PAMR1: variants seen among roughly 807,000 people sequenced by gnomAD.
PAMR1 encodes the protein peptidase domain containing associated with muscle regeneration 1.
PAMR1 carries 88 observed loss-of-function variants against 81.8 expected under a neutral mutation model. That is an observed-to-expected ratio of 1.08 (90% CI 0.91 to 1.28). The LOEUF is 1.28. Among genes scored for constraint, PAMR1 ranks in the 50% most tolerant of loss-of-function variants. The pLI, the probability that PAMR1 is intolerant of heterozygous loss-of-function variation, is 0.00. For missense variants in PAMR1, 935 were observed against 919.7 expected, an observed-to-expected ratio of 1.02 and a Z score of -0.21; for synonymous variants, 336 against 345.3, an observed-to-expected ratio of 0.97 and a Z score of 0.30.
chr11:35,519,999 A>G (rs1590402283), intron 1 of PAMR1, among the ~76,000 whole-genome samples: 1 of 152,292 alleles, frequency 6.6e-6, no homozygotes, highest in Non-Finnish European at 1.5e-5. Context: ...GCAAACAACA[A>G]TAGTACTTAC....
intron 7 of PAMR1, among the ~76,000 whole-genome samples, chr11:35,440,040 G>T (rs897000185): frequency 6.6e-5 from 10 of 152,198 alleles, no homozygotes; most frequent in Non-Finnish European, 1.2e-4. Flanking sequence ...CAAAGTGAAG[G>T]TTCTAAAACA....
At chr11:35,528,304 T>C (rs774719909), upstream of PAMR1, among the ~76,000 whole-genome samples, 3 of 152,318 alleles carry the variant, frequency 2.0e-5, no homozygotes, top group Non-Finnish European at 2.9e-5. Flanking sequence ...AAGTTAATCA[T>C]TGGAGACAAC....
intron 1 of PAMR1, among the ~76,000 whole-genome samples, chr11:35,502,851 A>T (rs983082915): frequency 6.6e-6 from 1 of 152,042 alleles, no homozygotes; most frequent in African/African-American, 2.4e-5. Flanking sequence ...ATGTATTAAT[A>T]ATCCCAGTTG....
chr11:35,489,740 C>T (rs923383944), intron 3 of PAMR1, among the ~76,000 whole-genome samples: 2 of 152,194 alleles, frequency 1.3e-5, no homozygotes, highest in African/African-American at 2.4e-5. Context: ...TATCTTCCTG[C>T]TCTGCCAACT....
intron 1 of PAMR1, among the ~76,000 whole-genome samples, chr11:35,505,457 T>C (rs1850932074): frequency 6.6e-6 from 1 of 152,168 alleles, no homozygotes; most frequent in Non-Finnish European, 1.5e-5. Context: ...CCTACTGTTA[T>C]TGTATTGCAG....
chr11:35,438,766 T>A (rs369312017), intron 8 of PAMR1, among the ~76,000 whole-genome samples: 17 of 152,198 alleles, frequency 1.1e-4, no homozygotes, highest in Admixed American at 5.9e-4. Flanking sequence ...GATGCTAAGA[T>A]AAAAACAGAA....
At chr11:35,451,774 A>G (rs1034804984) in intron 6 of PAMR1, 3 of 554,288 alleles carry the variant, frequency 5.4e-6, no homozygotes, top group Non-Finnish European at 6.4e-6. Context: ...ATGAGGGTGG[A>G]GCCCTCATGA....
intron 3 of PAMR1, among the ~76,000 whole-genome samples, chr11:35,481,153 C>T (rs537900726): frequency 6.6e-6 from 1 of 152,260 alleles, no homozygotes; most frequent in Admixed American, 6.5e-5. Flanking sequence ...GTAAATAGTG[C>T]TGTAACAAAC....
rs1427440851 is a variant in PAMR1, at chr11:35,495,859, C to T, written c.74-1587G>A. Among the ~76,000 whole-genome samples the T allele has an allele frequency of 5.9e-5, 9 of 152,252 alleles. No individual in the cohort carries two copies. The South Asian group carries it at 8.3e-4, about 14-fold the overall frequency. Reference sequence around the variant, plus strand: ...GCTAATATCATAGAAGGCAGACACTCGCACAATGAGGGACAGTTATTTAAA... The same window carrying T: ...GCTAATATCATAGAAGGCAGACACTTGCACAATGAGGGACAGTTATTTAAA... On this transcript the variant is annotated intron_variant, in intron 1 of 10. Coordinates refer to ENST00000619888, the MANE Select transcript of PAMR1 (RefSeq NM_001001991.3).
At chr11:35,514,542 C>T (rs967790234) in intron 1 of PAMR1, among the ~76,000 whole-genome samples, 2 of 152,324 alleles carry the variant, frequency 1.3e-5, no homozygotes, top group East Asian at 3.9e-4. Flanking sequence ...TTGAAGGTGC[C>T]CCCAGTTGCC....
In PAMR1 at chr11:35,470,726, T is replaced by C; in HGVS notation, c.587A>G (p.Lys196Arg). 6.2e-7 allele frequency: 1 copy of C among 1,614,108 alleles called. No homozygotes were observed. The highest frequency in any genetic ancestry group is 1.1e-5 in the South Asian group (1 of 91,072). Residue 196 changes from lysine (K) to arginine (R), a missense_variant, in exon 5 of 11, where the codon AAG (lysine) becomes AGG (arginine). Coordinates refer to ENST00000619888, the MANE Select transcript of PAMR1 (RefSeq NM_001001991.3). ...DGDNRDGQII[K>R]RVCGNERPAP... Reference sequence around the variant, plus strand: ...TGGCCGCTCGTTGCCACAGACACGCTTGATGATCTGGCCATCGCGGTTGTC... The same window carrying C: ...TGGCCGCTCGTTGCCACAGACACGCCTGATGATCTGGCCATCGCGGTTGTC...
intron 1 of PAMR1, among the ~76,000 whole-genome samples, chr11:35,508,520 T>C (rs1478430416): frequency 1.8e-4 from 26 of 143,408 alleles, no homozygotes; most frequent in African/African-American, 6.4e-4. Flanking sequence ...ACCTCCATTT[T>C]TTTTTTTTTT....
intron 1 of PAMR1, among the ~76,000 whole-genome samples, chr11:35,495,098 C>T (rs1404699404): frequency 6.6e-6 from 1 of 152,238 alleles, no homozygotes; most frequent in Non-Finnish European, 1.5e-5. Context: ...GACCAGTCTC[C>T]ACACCAGGTC....
At chr11:35,498,154 C>G (rs1204180972) in intron 1 of PAMR1, among the ~76,000 whole-genome samples, 1 of 152,118 alleles carries the variant, frequency 6.6e-6, no homozygotes, top group Non-Finnish European at 1.5e-5. Flanking sequence ...TGGTATAGCC[C>G]ATTATTCAAA....
chr11:35,450,284 A>G (rs1821351498), intron 6 of PAMR1, among the ~76,000 whole-genome samples: 2 of 152,194 alleles, frequency 1.3e-5, no homozygotes, highest in Non-Finnish European at 2.9e-5. Flanking sequence ...GACCGTCCAT[A>G]GACTATGCGT....
chr11:35,449,974 G>C lies in PAMR1; in HGVS notation c.821-8281C>G, dbSNP rs114598633. ...CTAGATACCTCAGCTGAAAGTGCAG[G>C]ATTCACTTGCCATTTTCATTTTTCT... is the stretch of plus-strand genomic sequence containing the variant. On this transcript the variant is annotated intron_variant, in intron 6 of 10. Transcript: ENST00000619888. Among the ~76,000 whole-genome samples, 940 of 151,842 alleles carry C rather than the reference G, an allele frequency of 6.2e-3. 8 individuals carry two copies. Among genetic ancestry groups the C allele is most frequent in the African/African-American group, 0.022 (897 of 41,400 alleles).
chr11:35,474,920 A>T (rs1438196624), intron 3 of PAMR1, among the ~76,000 whole-genome samples, 176 bp from the exon 4 acceptor site: 1 of 152,244 alleles, frequency 6.6e-6, no homozygotes, highest in East Asian at 1.9e-4. Context: ...GGCAATTTAC[A>T]TAGATTAATT....
chr11:35,513,204 T>C (rs1007559980), intron 1 of PAMR1, among the ~76,000 whole-genome samples: 1 of 152,248 alleles, frequency 6.6e-6, no homozygotes, highest in Non-Finnish European at 1.5e-5. Flanking sequence ...CTGTTTCAGA[T>C]ACTAATAGCA....
At chr11:35,454,282 T>C (rs1325715154) in intron 6 of PAMR1, among the ~76,000 whole-genome samples, 1 of 152,204 alleles carries the variant, frequency 6.6e-6, no homozygotes, top group African/African-American at 2.4e-5. Context: ...ACTTCATATG[T>C]GTACCTCATA....
Sources: allele counts gnomAD v4.1 joint callset (sites outside exome capture counted in the v4.1 genomes callset), GRCh38; gene constraint gnomAD v4.1.1; transcripts MANE v1.5; gene names NCBI Gene and HGNC (gene_info 2026-07-23, HGNC 2026-07-21).